The following BRINP1 variants were observed in gnomAD, a reference collection of about 807,000 sequenced individuals.
BRINP1 encodes the protein BMP/retinoic acid-inducible neural-specific protein 1.
Under a neutral mutation model 72.9 loss-of-function variants are expected in BRINP1, and 17 were observed. The ratio of observed to expected loss-of-function variants is 0.23; its 90% CI spans 0.16 to 0.35. The LOEUF is 0.35. Ranked by LOEUF, BRINP1 falls within the 10% of genes least tolerant of loss-of-function variation. BRINP1 has a pLI of 1.00. For synonymous variants in BRINP1, 418 were observed against 378.5 expected (o/e 1.10, Z -1.21); for missense variants, 850 against 1,001.6 (o/e 0.85, Z 2.04).
intron 2 of BRINP1, among the ~76,000 whole-genome samples, chr9:119,274,207 C>T (rs1830632435): frequency 6.6e-6 from 1 of 152,154 alleles, no homozygotes; most frequent in African/African-American, 2.4e-5. Context: ...TGGCTATGCT[C>T]TCTAAATGGC....
At position 119,339,522 on chromosome 9, in the gene BRINP1, C is replaced by T. The variant is rs146143545; in HGVS notation, c.-50-26117G>A. Among the ~76,000 whole-genome samples, 6 of 152,328 alleles carry T rather than the reference C, an allele frequency of 3.9e-5. No individual in the cohort carries two copies. The East Asian group carries it at 1.2e-3, about 29-fold the overall frequency. Reference sequence around the variant, plus strand: ...AACAATGCCTAGCACATAGTGTAAGCTCAATACATACCTTTGGAATGAATG... The same window carrying T: ...AACAATGCCTAGCACATAGTGTAAGTTCAATACATACCTTTGGAATGAATG... On this transcript the variant is annotated intron_variant, in intron 1 of 7. Transcript: ENST00000265922.
At chr9:119,300,707 C>T (rs1381906495) in intron 2 of BRINP1, among the ~76,000 whole-genome samples, 5 of 152,110 alleles carry the variant, frequency 3.3e-5, no homozygotes, top group Non-Finnish European at 7.4e-5. Context: ...ATCTCTACTC[C>T]CTTTTTCTCA....
intron 1 of BRINP1, among the ~76,000 whole-genome samples, chr9:119,323,829 GA>G (rs1157306197): frequency 6.6e-6 from 1 of 152,200 alleles, no homozygotes; most frequent in East Asian, 1.9e-4. Flanking sequence ...GTAACTTGGG[GA>G]AAGAGGAAAA....
intron 1 of BRINP1, among the ~76,000 whole-genome samples, chr9:119,347,499 TCATTATTATTATTGGA>T (rs985817700): frequency 3.9e-5 from 6 of 152,170 alleles, no homozygotes; most frequent in Admixed American, 2.6e-4. Flanking sequence ...AAGGTAGCTA[TCATTATTATTATTGGA>T]CATTATTATT....
At chr9:119,341,784 G>C (rs1587966809) in intron 1 of BRINP1, among the ~76,000 whole-genome samples, 2 of 152,106 alleles carry the variant, frequency 1.3e-5, no homozygotes, top group South Asian at 4.2e-4. Flanking sequence ...TTATTATTGA[G>C]ACGGAGTCTC....
chr9:119,330,443 T>C (rs568297761), intron 1 of BRINP1, among the ~76,000 whole-genome samples: 28 of 152,336 alleles, frequency 1.8e-4, no homozygotes, highest in Middle Eastern at 6.8e-3. Flanking sequence ...AAATTCTTAC[T>C]GTCCCTTGAC....
intron 2 of BRINP1, among the ~76,000 whole-genome samples, chr9:119,259,603 A>C (rs1830479157): frequency 6.6e-6 from 1 of 152,204 alleles, no homozygotes; most frequent in Non-Finnish European, 1.5e-5. Flanking sequence ...TAGATTAATA[A>C]AAGTTTGGAA....
chr9:119,218,229 C>T (rs1185238595), intron 5 of BRINP1, among the ~76,000 whole-genome samples: 14 of 143,138 alleles, frequency 9.8e-5, no homozygotes, highest in Non-Finnish European at 2.0e-4. Flanking sequence ...TTTTTGAGAC[C>T]GAGTCTCACT....
chr9:119,183,868 G>A (rs975686986), intron 7 of BRINP1, among the ~76,000 whole-genome samples: 7 of 152,158 alleles, frequency 4.6e-5, no homozygotes, highest in African/African-American at 1.7e-4. Flanking sequence ...ATGGTCACTA[G>A]TGACTTGTCA....
intron 2 of BRINP1, among the ~76,000 whole-genome samples, chr9:119,285,223 A>T (rs1218017389): frequency 6.9e-6 from 1 of 145,696 alleles, no homozygotes; most frequent in Non-Finnish European, 1.5e-5. Context: ...AAAAAAAAAT[A>T]GGTTGTAGAG....
At chr9:119,271,884 G>C (rs1830610749) in intron 2 of BRINP1, among the ~76,000 whole-genome samples, 1 of 151,196 alleles carries the variant, frequency 6.6e-6, no homozygotes, top group African/African-American at 2.4e-5. Context: ...TTAATACATA[G>C]AGACAGGGGT....
chr9:119,167,908 G>C lies in BRINP1; in HGVS notation c.1462C>G (p.Leu488Val). 1 of 1,614,218 alleles carries C rather than the reference G, an allele frequency of 6.2e-7. No homozygotes were observed. Residue 488 changes from leucine (L) to valine (V), a missense_variant, in exon 8 of 8, where the codon CTG becomes GTG. By Grantham distance (32) the Leu-to-Val change is conservative (BLOSUM62 1). Transcript: ENST00000265922. The surrounding 1 kb of genome is among the most constrained non-coding windows in gnomAD (Gnocchi z 4.3). The part of the protein sequence containing the change: ...ETDLDFQDLE[L>V]KYLLQKMDSR... ...TCCATCTTCTGCAGCAGGTACTTCA[G>C]CTCCAGGTCCTGGAAGTCCAGGTCA...
intron 1 of BRINP1, among the ~76,000 whole-genome samples, chr9:119,367,249 T>G (rs973448203): frequency 1.4e-5 from 2 of 144,530 alleles, no homozygotes; most frequent in African/African-American, 5.1e-5. Flanking sequence ...TATATCTTCC[T>G]AGAATATATG....
At position 119,368,483 on chromosome 9, in the gene BRINP1, A is replaced by G. The variant is rs1831719246; in HGVS notation, c.-51+573T>C. On this transcript the variant is annotated intron_variant, in intron 1 of 7. Transcript: ENST00000265922. This position sits in a 1 kb window ranked among gnomAD's most constrained non-coding sequence, Gnocchi z 4.7. ...AATAAGGTGCCATCTACAGCCCCATAATCCTCCCCAAACCCCAAGCCCAGA... is the reference window on the plus strand; with the variant it reads ...AATAAGGTGCCATCTACAGCCCCATGATCCTCCCCAAACCCCAAGCCCAGA... Among the ~76,000 whole-genome samples, 1 of 151,922 alleles carries G rather than the reference A, an allele frequency of 6.6e-6. No homozygotes were observed. The highest frequency in any genetic ancestry group is 2.4e-5 in the African/African-American group (1 of 41,372).
At position 119,285,672 on chromosome 9, in the gene BRINP1, T is replaced by C. The variant is rs148070762; in HGVS notation, c.218+27466A>G. 3.3e-3 allele frequency among the ~76,000 whole-genome samples: 510 copies of C among 152,314 alleles called. 4 individuals carry two copies. The highest frequency in any genetic ancestry group is 0.012 in the African/African-American group (493 of 41,564). On this transcript the variant is annotated intron_variant, in intron 2 of 7. Transcript: ENST00000265922. ...CAAGTTCAGGCTGCAAGATACTTTG[T>C]ACCTCCTCATTCTTTCTATTTACCC... is the stretch of plus-strand genomic sequence containing the variant.
intron 1 of BRINP1, among the ~76,000 whole-genome samples, chr9:119,318,462 G>C (rs1268965157): frequency 3.9e-5 from 6 of 152,160 alleles, no homozygotes; most frequent in Non-Finnish European, 1.5e-5. Context: ...TCAGTTGTCA[G>C]GGGCAAAGGA....
intron 1 of BRINP1, among the ~76,000 whole-genome samples, chr9:119,318,841 T>TGGG (rs144791296): frequency 0.017 from 1,972 of 114,778 alleles, 43 homozygotes; most frequent in Non-Finnish European, 0.019. Context: ...GAGAAATGTG[T>TGGG]GGGGTGTGTG....
Position 119,186,648 on chromosome 9 carries a change from G to T in BRINP1, c.1146-18424C>A, listed in dbSNP as rs190558836. Among the ~76,000 whole-genome samples, 203 of 152,278 alleles carry T rather than the reference G, an allele frequency of 1.3e-3. 1 individual carries two copies. Among genetic ancestry groups the T allele is most frequent in the African/African-American group, 4.6e-3 (192 of 41,564 alleles). On this transcript the variant is annotated intron_variant, in intron 7 of 7. Coordinates refer to ENST00000265922, the MANE Select transcript of BRINP1 (RefSeq NM_014618.3). ...CCCCCAGGGAAGCACAGCCTTGGCT[G>T]ATCTGTATCACCTTGTCCACTATGT... is the stretch of plus-strand genomic sequence containing the variant.
intron 5 of BRINP1, among the ~76,000 whole-genome samples, chr9:119,231,048 C>T (rs1341483670): frequency 6.6e-6 from 1 of 152,038 alleles, no homozygotes; most frequent in African/African-American, 2.4e-5. Flanking sequence ...ATGATATTTA[C>T]TATAAAACAC....
Sources: gnomAD v4.1 joint callset for allele counts (sites outside exome capture counted in the v4.1 genomes callset) on GRCh38, gnomAD v4.1.1 for gene constraint, Gnocchi (gnomAD v3.1) non-coding constraint, MANE v1.5 for transcripts, NCBI Gene and HGNC (gene_info 2026-07-23, HGNC 2026-07-21) for gene names.